The following KCNMA1 variants were observed in gnomAD, a reference collection of about 807,000 sequenced individuals.
KCNMA1 encodes Calcium-activated potassium channel subunit alpha-1.
A neutral mutation model predicts 140.0 loss-of-function variants in KCNMA1; 29 were observed. That is an observed-to-expected ratio of 0.21 (90% confidence interval 0.15 to 0.28). KCNMA1 has a LOEUF of 0.28. Ranked by LOEUF, KCNMA1 falls within the 10% of genes least tolerant of loss-of-function variation. The pLI is 1.00. For synonymous variants in KCNMA1, 612 were observed against 611.9 expected, an observed-to-expected ratio of 1.00 and a Z score of 0.00; for missense variants, 880 against 1,602.2, an observed-to-expected ratio of 0.55 and a Z score of 7.70.
intron 21 of KCNMA1, among the ~76,000 whole-genome samples, chr10:76,953,447 A>G (rs1200135533): frequency 6.6e-6 from 1 of 152,096 alleles, no homozygotes; most frequent in African/African-American, 2.4e-5. Flanking sequence ...GAAGTGCAAA[A>G]AGTCAAATGA....
chr10:77,559,697 A>G (rs748814085), intron 1 of KCNMA1, among the ~76,000 whole-genome samples: 49 of 151,188 alleles, frequency 3.2e-4, no homozygotes, highest in Admixed American at 6.0e-4. Flanking sequence ...TTTTGAGAGG[A>G]AAAAAAAATG....
At position 77,381,823 on chromosome 10, in the gene KCNMA1, A is replaced by C. The variant is rs552846426; in HGVS notation, c.540+22039T>G. 9.2e-5 allele frequency among the ~76,000 whole-genome samples: 14 copies of C among 152,278 alleles called. 1 individual carries two copies. Among genetic ancestry groups the C allele is most frequent in the Middle Eastern group, 3.4e-3 (1 of 294 alleles). On this transcript the variant is annotated intron_variant, in intron 2 of 27. Coordinates refer to ENST00000286628, the MANE Select transcript of KCNMA1 (RefSeq NM_001161352.2). ...CTCTCAAAACAGCCTCCTGATAGGC[A>C]CTAACCCCTAAGAAGGTCATCAAGT... is the stretch of plus-strand genomic sequence containing the variant.
rs1555337767 is a variant in KCNMA1 at position 77,439,149 on chromosome 10, A to AG, written c.379-35127_379-35126insC. ...AGAGAAGAGAAGAGAAGAGAAGAGA[A>AG]AAGAGAAGAGAAGAAAAGAAAAGAG... On this transcript the variant is annotated intron_variant, in intron 1 of 27. Transcript: ENST00000286628. Among the ~76,000 whole-genome samples the AG allele has an allele frequency of 1.1e-3, 91 of 85,272 alleles. 1 individual carries two copies. The highest frequency in any genetic ancestry group is 3.3e-3 in the African/African-American group (74 of 22,524). 55.9% of individuals were successfully genotyped at this position (85,272 alleles called of 152,430 possible).
Position 77,088,454 on chromosome 10 carries a change from T to C in KCNMA1, c.1335-1861A>G, listed in dbSNP as rs1419783199. On this transcript the variant is annotated intron_variant, in intron 10 of 27. Transcript: ENST00000286628. The stretch of plus-strand genomic sequence containing the variant: ...TTTTGTTTTGTTTTGTTTTGTTTTG[T>C]TTTGTTTTTTGGAGACAGGGACTGG... Among the ~76,000 whole-genome samples the C allele has an allele frequency of 5.9e-5, 9 of 151,992 alleles. No individual in the cohort carries two copies. In the East Asian group the frequency reaches 1.7e-3, roughly 29 times the overall value.
At chr10:77,092,498 A>G (rs532410896) in intron 9 of KCNMA1, among the ~76,000 whole-genome samples, 1 of 152,336 alleles carries the variant, frequency 6.6e-6, no homozygotes, top group African/African-American at 2.4e-5. Flanking sequence ...AGCAAAGCCA[A>G]CATGAATCCA....
intron 2 of KCNMA1, among the ~76,000 whole-genome samples, chr10:77,392,833 C>A (rs761999503): frequency 9.2e-5 from 14 of 152,192 alleles, no homozygotes; most frequent in Non-Finnish European, 2.1e-4. Flanking sequence ...ATGTGCCCTC[C>A]GAAACCAGCC....
chr10:77,375,695 A>G (rs957079630), intron 2 of KCNMA1, among the ~76,000 whole-genome samples: 1 of 152,238 alleles, frequency 6.6e-6, no homozygotes, highest in African/African-American at 2.4e-5. Flanking sequence ...AGCTCGTGAG[A>G]GGGTTGTCAG....
intron 3 of KCNMA1, among the ~76,000 whole-genome samples, chr10:77,248,615 G>A (rs1037360649): frequency 6.6e-6 from 1 of 152,168 alleles, no homozygotes; most frequent in Admixed American, 6.6e-5. Flanking sequence ...CCATGAATGT[G>A]TAAAACTGGT....
chr10:77,128,606 G>A (rs997001416), intron 5 of KCNMA1, among the ~76,000 whole-genome samples: 3 of 151,890 alleles, frequency 2.0e-5, no homozygotes, highest in Non-Finnish European at 2.9e-5. Flanking sequence ...ATTCTAATGA[G>A]CCATCCAGGT....
chr10:77,567,258 T>C (rs867132894), intron 1 of KCNMA1, among the ~76,000 whole-genome samples: 1 of 152,344 alleles, frequency 6.6e-6, no homozygotes. Context: ...CCAAGATCCA[T>C]ATCTGTCACC....
At position 76,952,296 on chromosome 10, in the gene KCNMA1, G is replaced by A. The variant is rs144843573; in HGVS notation, c.2484+1505C>T. The A allele has an allele frequency of 2.7e-3, 2,345 of 884,642 alleles. 4 individuals carry two copies. Among genetic ancestry groups the A allele is most frequent in the Non-Finnish European group, 3.6e-3 (2,145 of 600,462 alleles). The allele number at this position is 884,642 out of a possible 1,614,324, so 54.8% of individuals were successfully genotyped here. A position where few individuals can be genotyped will look rare whatever the true frequency, so the allele number is the denominator to read the frequency against. ...AGCACTTTGGGAGGCCAAGGTTGGCGGATCATGAGCTCAAGAAATCGAGAC... is the reference window on the plus strand; with the variant it reads ...AGCACTTTGGGAGGCCAAGGTTGGCAGATCATGAGCTCAAGAAATCGAGAC... On this transcript the variant is annotated intron_variant, in intron 21 of 27. Transcript: ENST00000286628.
chr10:77,003,332 G>T (rs118055197), intron 18 of KCNMA1, among the ~76,000 whole-genome samples: 2 of 152,200 alleles, frequency 1.3e-5, no homozygotes, highest in East Asian at 3.9e-4. Context: ...AAATAAAAAA[G>T]TTCCACTATA....
chr10:77,106,634 G>A (rs564725955), intron 9 of KCNMA1, among the ~76,000 whole-genome samples: 9 of 152,188 alleles, frequency 5.9e-5, no homozygotes, highest in Non-Finnish European at 1.2e-4. Context: ...CAGTGATTGG[G>A]AAATGCTGGC....
chr10:77,364,690 A>G (rs931017248), intron 2 of KCNMA1, among the ~76,000 whole-genome samples: 5 of 152,142 alleles, frequency 3.3e-5, no homozygotes, highest in African/African-American at 1.2e-4. Flanking sequence ...AAATGACACA[A>G]GTGGCTACAA....
intron 1 of KCNMA1, among the ~76,000 whole-genome samples, chr10:77,579,736 T>C (rs904347677): frequency 4.0e-4 from 61 of 152,214 alleles, no homozygotes; most frequent in African/African-American, 1.4e-3. Flanking sequence ...GTGAAGGTGT[T>C]ATTCCAGAGG....
At chr10:76,960,618 G>GTTTTTTTT (rs55685324) in intron 20 of KCNMA1, among the ~76,000 whole-genome samples, 11 of 59,320 alleles carry the variant, frequency 1.9e-4, no homozygotes, top group African/African-American at 2.7e-4. Flanking sequence ...TTATGGTTTT[G>GTTTTTTTT]TTTTTTTTTT....
At chr10:77,469,690 G>A (rs1023128105) in intron 1 of KCNMA1, among the ~76,000 whole-genome samples, 1 of 152,180 alleles carries the variant, frequency 6.6e-6, no homozygotes, top group Non-Finnish European at 1.5e-5. Context: ...AAGGAGCCAG[G>A]GATTCAGTGA....
intron 19 of KCNMA1, chr10:76,980,189 A>G (rs917521777): frequency 6.6e-6 from 1 of 152,202 alleles, no homozygotes; most frequent in Non-Finnish European, 1.5e-5. Context: ...TTTGCGTCAT[A>G]GCTGCACTCA....
intron 14 of KCNMA1, among the ~76,000 whole-genome samples, chr10:77,066,177 G>A (rs1595144230): frequency 6.6e-6 from 1 of 152,166 alleles, no homozygotes; most frequent in African/African-American, 2.4e-5. Context: ...ATAGATTGGA[G>A]GTGGGGTGGT....
Sources: gnomAD v4.1 joint callset for allele counts (sites outside exome capture counted in the v4.1 genomes callset) on GRCh38, gnomAD v4.1.1 for gene constraint, MANE v1.5 for transcripts, NCBI Gene and HGNC (gene_info 2026-07-23, HGNC 2026-07-21) for gene names.